EYA4: variants seen among roughly 807,000 people sequenced by gnomAD.
EYA4 encodes protein phosphatase EYA4.
Under a neutral mutation model 87.9 loss-of-function variants are expected in EYA4, and 31 were observed. The observed-to-expected ratio is 0.35, with a 90% CI of 0.27 to 0.48. The LOEUF is 0.48. EYA4 is among the 20% of genes least tolerant of loss of function. The pLI, the probability that EYA4 is intolerant of heterozygous loss-of-function variation, is 0.99. For synonymous variants in EYA4, 263 were observed against 270.6 expected, an observed-to-expected ratio of 0.97 and a Z score of 0.28; for missense variants, 678 against 761.4, an observed-to-expected ratio of 0.89 and a Z score of 1.29.
intron 2 of EYA4, among the ~76,000 whole-genome samples, chr6:133,319,681 C>G (rs776451871): frequency 6.6e-6 from 1 of 151,016 alleles, no homozygotes; most frequent in Non-Finnish European, 1.5e-5. Flanking sequence ...CTCTTCTATG[C>G]AGAATATGTT....
chr6:133,371,328 G>T (rs1484314166), intron 2 of EYA4, among the ~76,000 whole-genome samples: 1 of 152,120 alleles, frequency 6.6e-6, no homozygotes, highest in Non-Finnish European at 1.5e-5. Flanking sequence ...TTGGTTTACG[G>T]GGTCTACTGA....
At position 133,525,601 on chromosome 6, in the gene EYA4, C is replaced by G. The variant is rs1052167136; in HGVS notation, c.1839+347C>G. On this transcript the variant is annotated intron_variant, in intron 19 of 19. Transcript: ENST00000355286. ...TATATTAATACACATACAATGTGCACAGATATAGATGAGCCAGGGGATCTG... is the reference window on the plus strand; with the variant it reads ...TATATTAATACACATACAATGTGCAGAGATATAGATGAGCCAGGGGATCTG... Among the ~76,000 whole-genome samples, 3 of 151,924 alleles carry G rather than the reference C, an allele frequency of 2.0e-5. No homozygotes were observed. The East Asian group carries it at 5.8e-4, about 29-fold the overall frequency.
chr6:133,324,314 AC>A (rs1301976638), intron 2 of EYA4, among the ~76,000 whole-genome samples: 1 of 152,176 alleles, frequency 6.6e-6, no homozygotes, highest in Non-Finnish European at 1.5e-5. Context: ...ATATTTATTT[AC>A]AATTCCATTT....
At chr6:133,450,154 T>G (rs1015684672) in intron 5 of EYA4, among the ~76,000 whole-genome samples, 7 of 151,876 alleles carry the variant, frequency 4.6e-5, no homozygotes, top group Middle Eastern at 3.4e-3. Context: ...CCCAGCTAAT[T>G]TTTTGTATTT....
At chr6:133,276,081 C>T (rs1777140084) in intron 2 of EYA4, among the ~76,000 whole-genome samples, 1 of 152,118 alleles carries the variant, frequency 6.6e-6, no homozygotes, top group African/African-American at 2.4e-5. Context: ...CTGTTGGAAT[C>T]AGAAGTCTGT....
At chr6:133,388,011 C>G (rs1480738802) in intron 3 of EYA4, among the ~76,000 whole-genome samples, 1 of 152,100 alleles carries the variant, frequency 6.6e-6, no homozygotes, top group African/African-American at 2.4e-5. Flanking sequence ...TGATAGCTGA[C>G]CTATCTTGAT....
At chr6:133,508,609 T>C (rs1317943444) in intron 14 of EYA4, among the ~76,000 whole-genome samples, 1 of 152,158 alleles carries the variant, frequency 6.6e-6, no homozygotes, top group African/African-American at 2.4e-5. Flanking sequence ...CTTTTAGCTT[T>C]TGTAGTGGCA....
intron 3 of EYA4, among the ~76,000 whole-genome samples, chr6:133,391,223 T>G (rs1021925058): frequency 2.2e-5 from 1 of 45,378 alleles, no homozygotes; most frequent in African/African-American, 6.2e-5. Flanking sequence ...TTTGTTTTTG[T>G]TTTTTTTTTT....
chr6:133,286,736 T>A (rs536559090), intron 2 of EYA4, among the ~76,000 whole-genome samples: 1 of 152,328 alleles, frequency 6.6e-6, no homozygotes, highest in South Asian at 2.1e-4. Context: ...ACCAAAATCA[T>A]GAAATATTTA....
intron 14 of EYA4, chr6:133,507,227 A>G (rs1798717347): frequency 6.6e-6 from 1 of 152,230 alleles, no homozygotes; most frequent in South Asian, 2.1e-4. Flanking sequence ...CAACATACAA[A>G]TCACATCTAA....
intron 3 of EYA4, among the ~76,000 whole-genome samples, chr6:133,404,811 AGT>A (rs1747301670): frequency 6.6e-6 from 1 of 152,200 alleles, no homozygotes; most frequent in South Asian, 2.1e-4. Context: ...CCCACCTTAA[AGT>A]GGATTGCTTG....
At chr6:133,254,738 G>A (rs1255958802) in intron 1 of EYA4, among the ~76,000 whole-genome samples, 1 of 152,086 alleles carries the variant, frequency 6.6e-6, no homozygotes, top group African/African-American at 2.4e-5. Flanking sequence ...ATTTATCAGC[G>A]TCAGATGATC....
chr6:133,497,012 G>T (rs891817584), intron 13 of EYA4, among the ~76,000 whole-genome samples: 3 of 151,986 alleles, frequency 2.0e-5, no homozygotes, highest in African/African-American at 7.2e-5. Context: ...TCCTCTCCCC[G>T]CACCCATAAT....
At chr6:133,393,934 A>T (rs1179659634) in intron 3 of EYA4, among the ~76,000 whole-genome samples, 1 of 152,220 alleles carries the variant, frequency 6.6e-6, no homozygotes, top group African/African-American at 2.4e-5. Context: ...TCTTAAATAT[A>T]GATGAGGGCT....
rs116333917 is a variant in EYA4 at position 133,391,456 on chromosome 6, A to C, written c.83+9015A>C. ...TCAGAAGGTATGGGAGACACAGATT[A>C]TCTCCCTGTTCATCTCTTATTCATC... On this transcript the variant is annotated intron_variant, in intron 3 of 19. Transcript: ENST00000355286. Among the ~76,000 whole-genome samples the C allele has an allele frequency of 6.0e-3, 910 of 152,134 alleles. 7 individuals are homozygous for C. Among genetic ancestry groups the C allele is most frequent in the African/African-American group, 0.021 (879 of 41,518 alleles).
chr6:133,310,601 A>T (rs1214743778), intron 2 of EYA4, among the ~76,000 whole-genome samples: 1 of 152,230 alleles, frequency 6.6e-6, no homozygotes, highest in Non-Finnish European at 1.5e-5. Flanking sequence ...TACGAACTTG[A>T]ATATGGCACT....
intron 2 of EYA4, among the ~76,000 whole-genome samples, chr6:133,378,742 A>G (rs1264569675): frequency 2.6e-5 from 4 of 152,106 alleles, no homozygotes; most frequent in Admixed American, 6.6e-5. Flanking sequence ...GAATTTTGAT[A>G]TTTATGTTTT....
chr6:133,408,158 T>C (rs1002348649), intron 3 of EYA4, among the ~76,000 whole-genome samples: 4 of 152,208 alleles, frequency 2.6e-5, no homozygotes, highest in African/African-American at 7.2e-5. Flanking sequence ...AACACATCAA[T>C]CATTTTACAT....
At chr6:133,351,035 G>C (rs1783601667) in intron 2 of EYA4, among the ~76,000 whole-genome samples, 1 of 151,164 alleles carries the variant, frequency 6.6e-6, no homozygotes, top group Admixed American at 6.6e-5. Flanking sequence ...GGAGATGCTG[G>C]ATATTTGGCT....
Sources: allele counts gnomAD v4.1 joint callset (sites outside exome capture counted in the v4.1 genomes callset), GRCh38; gene constraint gnomAD v4.1.1; transcripts MANE v1.5; gene names NCBI Gene and HGNC (gene_info 2026-07-23, HGNC 2026-07-21).